The following MARCHF4 variants were observed in gnomAD, a reference collection of about 807,000 sequenced individuals.
MARCHF4 encodes E3 ubiquitin-protein ligase MARCHF4.
In MARCHF4, 14 loss-of-function variants were observed where a neutral mutation model predicts 43.9. That is an observed-to-expected ratio of 0.32 (90% confidence interval 0.21 to 0.50). The LOEUF (loss-of-function observed/expected upper bound fraction) is 0.50, where lower values mean the gene tolerates loss of function less well. Ranked by LOEUF, MARCHF4 falls within the 20% of genes least tolerant of loss-of-function variation. The pLI, the probability that MARCHF4 is intolerant of heterozygous loss-of-function variation, is 0.98. For missense variants in MARCHF4, 468 were observed against 536.7 expected (o/e 0.87, Z 1.27); for synonymous variants, 226 against 213.3 (o/e 1.06, Z -0.52).
chr2:216,275,639 T>G (rs1691006867), intron 3 of MARCHF4, among the ~76,000 whole-genome samples: 1 of 152,160 alleles, frequency 6.6e-6, no homozygotes, highest in Non-Finnish European at 1.5e-5. Context: ...TGGTCTCTTC[T>G]ATATTCAATT....
chr2:216,354,986 T>TCTTTCTTTCTTTCTTTCTTTCTTTC (rs1559106757), intron 1 of MARCHF4, among the ~76,000 whole-genome samples: 12 of 139,830 alleles, frequency 8.6e-5, no homozygotes, highest in East Asian at 6.2e-4. Flanking sequence ...TTTCTTTCTT[T>TCTTTCTTTCTTTCTTTCTTTCTTTC]TTTGAGACAG....
chr2:216,274,576 A>C (rs984346597), intron 3 of MARCHF4, among the ~76,000 whole-genome samples: 1 of 152,206 alleles, frequency 6.6e-6, no homozygotes, highest in Admixed American at 6.5e-5. Context: ...ACTGGTTATC[A>C]TCATTTTACC....
chr2:216,345,996 C>G (rs970401229), intron 1 of MARCHF4, among the ~76,000 whole-genome samples: 3 of 152,094 alleles, frequency 2.0e-5, no homozygotes, highest in Non-Finnish European at 4.4e-5. Context: ...ACCTATCAAC[C>G]AATCATGAAC....
chr2:216,299,857 A>C (rs1053966132), intron 1 of MARCHF4, among the ~76,000 whole-genome samples: 8 of 152,188 alleles, frequency 5.3e-5, no homozygotes, highest in African/African-American at 1.4e-4. Flanking sequence ...CCTCTGCCTC[A>C]TGTCTCTTAT....
At chr2:216,334,563 G>C (rs948648609) in intron 1 of MARCHF4, among the ~76,000 whole-genome samples, 3 of 152,034 alleles carry the variant, frequency 2.0e-5, no homozygotes, top group Non-Finnish European at 4.4e-5. Context: ...ACCATGCCCA[G>C]CTAGTTTTTA....
intron 1 of MARCHF4, among the ~76,000 whole-genome samples, chr2:216,293,415 T>C (rs1042801143): frequency 2.0e-5 from 3 of 152,118 alleles, no homozygotes; most frequent in African/African-American, 7.2e-5. Flanking sequence ...CTTAATGAGC[T>C]GTAGTTATCT....
Position 216,366,909 on chromosome 2 carries a change from C to A in MARCHF4, c.516+2836G>T, listed in dbSNP as rs959812235. 3.3e-4 allele frequency among the ~76,000 whole-genome samples: 50 copies of A among 152,176 alleles called. 1 individual carries two copies. The highest frequency in any genetic ancestry group is 4.1e-4 in the South Asian group (2 of 4,830). ...TACTCATGCCTGGAACAGCAACGGG[C>A]ACACTGCAGGTGCCCCGAAAAATTT... On this transcript the variant is annotated intron_variant, in intron 1 of 3. Coordinates refer to ENST00000273067, the MANE Select transcript of MARCHF4 (RefSeq NM_020814.3).
In MARCHF4 at chr2:216,350,395, C is replaced by A. The variant is rs1328380077; in HGVS notation, c.516+19350G>T. ...TCACTATGCCACATCCCTCACCATGCCACAACCCCTCACCATGCCACACCC... is the reference window on the plus strand; with the variant it reads ...TCACTATGCCACATCCCTCACCATGACACAACCCCTCACCATGCCACACCC... On this transcript the variant is annotated intron_variant, in intron 1 of 3. Coordinates refer to ENST00000273067, the MANE Select transcript of MARCHF4 (RefSeq NM_020814.3). 3.3e-5 allele frequency among the ~76,000 whole-genome samples: 5 copies of A among 150,776 alleles called. No individual in the cohort carries two copies. In the South Asian group the frequency reaches 6.4e-4, roughly 19 times the overall value.
intron 1 of MARCHF4, among the ~76,000 whole-genome samples, chr2:216,363,664 G>A (rs1261973940): frequency 1.3e-5 from 2 of 152,126 alleles, no homozygotes; most frequent in African/African-American, 4.8e-5. Flanking sequence ...GGATGGTTTT[G>A]TATCCTTGGG....
In MARCHF4 at chr2:216,326,911, C is replaced by T. The variant is rs527929657; in HGVS notation, c.516+42834G>A. On this transcript the variant is annotated intron_variant, in intron 1 of 3. Transcript: ENST00000273067. ...CACCAGCATGACACATGTATACATA[C>T]GTAACTAACCTGCACATTGTGCACA... is the stretch of plus-strand genomic sequence containing the variant. Among the ~76,000 whole-genome samples, 201 of 151,492 alleles carry T rather than the reference C, an allele frequency of 1.3e-3. 1 individual carries two copies. Among genetic ancestry groups the T allele is most frequent in the Non-Finnish European group, 2.3e-3 (153 of 67,848 alleles).
chr2:216,280,207 G>T (rs917708771), intron 2 of MARCHF4, among the ~76,000 whole-genome samples: 2 of 151,988 alleles, frequency 1.3e-5, no homozygotes, highest in Non-Finnish European at 2.9e-5. Context: ...TCACAGGAGG[G>T]CTGGGAGGGG....
At chr2:216,336,750 A>AAAAAAAAAAAAAAAAAAG (rs1692163911) in intron 1 of MARCHF4, among the ~76,000 whole-genome samples, 1 of 144,218 alleles carries the variant, frequency 6.9e-6, no homozygotes, top group East Asian at 2.0e-4. Flanking sequence ...TTTAAAAAAA[A>AAAAAAAAAAAAAAAAAAG]AAAAAAAAAA....
In MARCHF4 at chr2:216,372,228, C is replaced by G. The variant is rs1692781555; in HGVS notation, c.-1968G>C. ...AGGGGTGGTGCTGGAAGGGAGGTGG[C>G]GGGGCGGCGAGCTGACCGTCCGAGA... On this transcript the variant is annotated 5_prime_UTR_variant, in exon 1 of 4. Transcript: ENST00000273067. 6.6e-6 allele frequency among the ~76,000 whole-genome samples: 1 copy of G among 152,164 alleles called. No individual in the cohort carries two copies. Among genetic ancestry groups the G allele is most frequent in the Non-Finnish European group, 1.5e-5 (1 of 68,038 alleles).
intron 1 of MARCHF4, among the ~76,000 whole-genome samples, chr2:216,347,557 A>G (rs1199775234): frequency 6.6e-6 from 1 of 151,924 alleles, no homozygotes; most frequent in Non-Finnish European, 1.5e-5. Context: ...ATGAAACCCC[A>G]TCTCTACTAA....
rs991071625 is a variant in MARCHF4, at chr2:216,293,860, G to A, written c.517-10131C>T. 1.7e-4 allele frequency among the ~76,000 whole-genome samples: 21 copies of A among 121,922 alleles called. 2 individuals carry two copies. The highest frequency in any genetic ancestry group is 9.8e-4 in the Admixed American group (12 of 12,284). 80.0% of individuals were successfully genotyped at this position (121,922 alleles called of 152,430 possible). A position where few individuals can be genotyped will look rare whatever the true frequency, so the allele number is the denominator to read the frequency against. On this transcript the variant is annotated intron_variant, in intron 1 of 3. Coordinates refer to ENST00000273067, the MANE Select transcript of MARCHF4 (RefSeq NM_020814.3). ...GCATAATAAACAAACCAAGCTATAT[G>A]GGGTCTGGCGGAAAAAAAGGTCACG... is the stretch of plus-strand genomic sequence containing the variant.
At chr2:216,327,498 G>T (rs1266389436) in intron 1 of MARCHF4, among the ~76,000 whole-genome samples, 3 of 152,060 alleles carry the variant, frequency 2.0e-5, no homozygotes, top group African/African-American at 7.2e-5. Flanking sequence ...CTGCATCCTG[G>T]AAAGTCTATA....
intron 1 of MARCHF4, among the ~76,000 whole-genome samples, chr2:216,303,925 C>T (rs937122814): frequency 6.6e-6 from 1 of 152,152 alleles, no homozygotes; most frequent in Non-Finnish European, 1.5e-5. Flanking sequence ...AGGAAGGGAG[C>T]AGCACACTTC....
chr2:216,326,880 G>T (rs1336783231), intron 1 of MARCHF4, among the ~76,000 whole-genome samples: 1 of 151,706 alleles, frequency 6.6e-6, no homozygotes, highest in Non-Finnish European at 1.5e-5. Context: ...GTTAGTGGGT[G>T]CAGCACACCA....
chr2:216,336,010 G>C (rs1313051435), intron 1 of MARCHF4, among the ~76,000 whole-genome samples: 2 of 142,046 alleles, frequency 1.4e-5, no homozygotes, highest in African/African-American at 5.2e-5. Flanking sequence ...GGAGGTTGCA[G>C]TGAGCCGAGA....
Sources: gnomAD v4.1 joint callset for allele counts (sites outside exome capture counted in the v4.1 genomes callset) on GRCh38, gnomAD v4.1.1 for gene constraint, MANE v1.5 for transcripts, NCBI Gene and HGNC (gene_info 2026-07-23, HGNC 2026-07-21) for gene names.